The following CHRDL1 variants were observed in gnomAD, a reference collection of about 807,000 sequenced individuals.
The protein encoded by CHRDL1 is chordin-like protein 1.
A neutral mutation model predicts 40.9 loss-of-function variants in CHRDL1; 19 were observed. The observed-to-expected ratio is 0.46, with a 90% CI of 0.32 to 0.68. The LOEUF (loss-of-function observed/expected upper bound fraction) is 0.68, where lower values mean the gene tolerates loss of function less well. Among genes scored for constraint, CHRDL1 ranks in the 30% least tolerant of loss-of-function variants. CHRDL1 has a pLI of 0.03. For synonymous variants in CHRDL1, 136 were observed against 123.4 expected, an observed-to-expected ratio of 1.10 and a Z score of -0.68; for missense variants, 329 against 352.1, an observed-to-expected ratio of 0.93 and a Z score of 0.53.
rs1404819966 is a variant in CHRDL1 at position 110,700,623 on chromosome X, G to A, written c.609+31C>T. On this transcript the variant is annotated intron_variant, in intron 7 of 11. Coordinates refer to ENST00000372042, the MANE Select transcript of CHRDL1 (RefSeq NM_001143981.2). ...GGAAAGCTTGGCCTGATGCTGTGGA[G>A]TGTTGAATTATTTGAGCTATTCACA... is the stretch of plus-strand genomic sequence containing the variant. The A allele has an allele frequency of 4.0e-6, 4 of 991,209 alleles. No individual in the cohort carries two copies. The South Asian group carries it at 5.8e-5, about 14-fold the overall frequency. The allele number at this position is 991,209 out of a possible 1,213,427, so 81.7% of individuals were successfully genotyped here. A position where few individuals can be genotyped will look rare whatever the true frequency, so the allele number is the denominator to read the frequency against.
At chrX:110,704,802 C>T (rs1346249957) in intron 6 of CHRDL1, among the ~76,000 whole-genome samples, 1 of 110,570 alleles carries the variant, frequency 9.0e-6, no homozygotes, top group Non-Finnish European at 1.9e-5. Context: ...CAGCAAATGG[C>T]AAAACAAAAT....
intron 6 of CHRDL1, among the ~76,000 whole-genome samples, chrX:110,701,912 C>T (rs748314161): frequency 2.7e-4 from 30 of 111,701 alleles, no homozygotes; most frequent in African/African-American, 4.2e-4. Context: ...GGCTTGAAAA[C>T]GACCTAAAAA....
intron 6 of CHRDL1, among the ~76,000 whole-genome samples, chrX:110,717,447 G>C (rs891270166): frequency 8.9e-6 from 1 of 111,778 alleles, no homozygotes; most frequent in Admixed American, 9.5e-5. Flanking sequence ...AGAGTCGGGG[G>C]TTGACATGTA....
chrX:110,725,337 C>T (rs983670636), intron 4 of CHRDL1, among the ~76,000 whole-genome samples: 1 of 112,239 alleles, frequency 8.9e-6, no homozygotes, highest in Non-Finnish European at 1.9e-5. Flanking sequence ...GAAGTCCATT[C>T]CTCTAGGTTA....
At chrX:110,767,124 T>C (rs1443083159) in intron 2 of CHRDL1, among the ~76,000 whole-genome samples, 2 of 111,880 alleles carry the variant, frequency 1.8e-5, no homozygotes, top group South Asian at 3.7e-4. Flanking sequence ...GAAAAAGCAC[T>C]CGATAAAATC....
chrX:110,738,387 AT>A (rs1225167920), intron 4 of CHRDL1, among the ~76,000 whole-genome samples: 2 of 111,883 alleles, frequency 1.8e-5, no homozygotes, highest in Non-Finnish European at 3.8e-5. Context: ...GCCATGCCTT[AT>A]TTTTTTCTCC....
chrX:110,731,044 G>C (rs988062344), intron 4 of CHRDL1, among the ~76,000 whole-genome samples: 31 of 111,075 alleles, frequency 2.8e-4, no homozygotes, highest in African/African-American at 9.2e-4. Flanking sequence ...GCAATCAATA[G>C]AGCAGATTGC....
chrX:110,705,757 T>C (rs1379899811), intron 6 of CHRDL1, among the ~76,000 whole-genome samples: 1 of 107,985 alleles, frequency 9.3e-6, no homozygotes, highest in Non-Finnish European at 1.9e-5. Flanking sequence ...AAGGGATATT[T>C]AACCTGTATA....
At chrX:110,741,548 G>A (rs2071360497) in intron 4 of CHRDL1, among the ~76,000 whole-genome samples, 1 of 111,273 alleles carries the variant, frequency 9.0e-6, no homozygotes. Context: ...GGTCTGATGA[G>A]GGTCTCAGCC....
At chrX:110,749,896 G>A (rs2089326243) in intron 4 of CHRDL1, among the ~76,000 whole-genome samples, 1 of 112,008 alleles carries the variant, frequency 8.9e-6, no homozygotes, top group Non-Finnish European at 1.9e-5. Flanking sequence ...AGAACATATT[G>A]GTTTTAAATT....
intron 4 of CHRDL1, among the ~76,000 whole-genome samples, chrX:110,750,982 A>C (rs2089348578): frequency 1.8e-5 from 2 of 111,893 alleles, no homozygotes; most frequent in South Asian, 7.5e-4. Flanking sequence ...GATCTTACCC[A>C]GAACGGCTTT....
chrX:110,794,187 G>A (rs1211905136), intron 1 of CHRDL1, among the ~76,000 whole-genome samples: 1 of 111,891 alleles, frequency 8.9e-6, no homozygotes, highest in African/African-American at 3.3e-5. Context: ...AACATGTGTT[G>A]GGACTGCAGC....
chrX:110,742,122 G>GT (rs778265830), intron 4 of CHRDL1, among the ~76,000 whole-genome samples: 2 of 112,084 alleles, frequency 1.8e-5, no homozygotes, highest in Admixed American at 1.9e-4. Flanking sequence ...TTTCTACTGG[G>GT]TATTTTCTCT....
At chrX:110,794,194 C>T (rs1240400919) in intron 1 of CHRDL1, among the ~76,000 whole-genome samples, 1 of 111,943 alleles carries the variant, frequency 8.9e-6, no homozygotes, top group Non-Finnish European at 1.9e-5. Flanking sequence ...GTTGGGACTG[C>T]AGCAGTAAAC....
chrX:110,744,010 C>G (rs1461460751), intron 4 of CHRDL1, among the ~76,000 whole-genome samples: 1 of 111,909 alleles, frequency 8.9e-6, no homozygotes, highest in Non-Finnish European at 1.9e-5. Context: ...GTCAAACAAC[C>G]TCATGCCTGA....
At chrX:110,788,730 C>T (rs2090053723) in intron 2 of CHRDL1, among the ~76,000 whole-genome samples, 1 of 111,872 alleles carries the variant, frequency 8.9e-6, no homozygotes, top group Non-Finnish European at 1.9e-5. Flanking sequence ...GAGCTTTTCT[C>T]CTGTTTTAAA....
chrX:110,689,825 C>CTATATATATCTATATATCTA lies in CHRDL1; in HGVS notation c.779-1023_779-1022insTAGATATATAGATATATATA, dbSNP rs1352807170. On this transcript the variant is annotated intron_variant, in intron 8 of 11. Transcript: ENST00000372042. ...TATATATCTATATATATCTATATAT[C>CTATATATATCTATATATCTA]TATATATCTATATATATCTATATAT... Among the ~76,000 whole-genome samples, 4 of 50,290 alleles carry CTATATATATCTATATATCTA rather than the reference C, an allele frequency of 8.0e-5. 1 individual carries two copies. The highest frequency in any genetic ancestry group is 1.2e-4 in the Non-Finnish European group (4 of 33,846). 43.7% of individuals were successfully genotyped at this position (50,290 alleles called of 115,157 possible).
intron 2 of CHRDL1, among the ~76,000 whole-genome samples, chrX:110,788,617 A>G (rs1318495422): frequency 8.9e-6 from 1 of 111,931 alleles, no homozygotes; most frequent in East Asian, 2.8e-4. Context: ...TTCCTTTTTA[A>G]TTTTAGAAAA....
intron 2 of CHRDL1, among the ~76,000 whole-genome samples, chrX:110,772,877 A>G (rs182193333): frequency 3.0e-4 from 34 of 112,742 alleles, no homozygotes; most frequent in African/African-American, 1.1e-3. Context: ...ACCTTAATCC[A>G]TATCACATAC....
Sources: gnomAD v4.1 joint callset for allele counts (sites outside exome capture counted in the v4.1 genomes callset) on GRCh38, gnomAD v4.1.1 for gene constraint, MANE v1.5 for transcripts, NCBI Gene and HGNC (gene_info 2026-07-23, HGNC 2026-07-21) for gene names.